Variants in NDFIP1 observed in about 807,000 individuals in gnomAD.
NDFIP1 encodes Nedd4 family interacting protein 1, also known as NEDD4 family-interacting protein 1.
In NDFIP1, 7 loss-of-function variants were observed where a neutral mutation model predicts 28.8. That is an observed-to-expected ratio of 0.24 (90% confidence interval 0.14 to 0.46). The LOEUF (loss-of-function observed/expected upper bound fraction) is 0.46. Ranked by LOEUF, NDFIP1 falls within the 20% of genes least tolerant of loss-of-function variation. The pLI, the probability that NDFIP1 is intolerant of heterozygous loss-of-function variation, is 0.99. For synonymous variants in NDFIP1, 92 were observed against 101.0 expected, an observed-to-expected ratio of 0.91 and a Z score of 0.53; for missense variants, 194 against 269.1, an observed-to-expected ratio of 0.72 and a Z score of 1.95.
chr5:142,110,540 G>C (rs1757003196), intron 1 of NDFIP1, among the ~76,000 whole-genome samples: 1 of 151,978 alleles, frequency 6.6e-6, no homozygotes, highest in African/African-American at 2.4e-5. Flanking sequence ...AAATTTGCTG[G>C]AGTATCAAAA....
chr5:142,137,643 G>C, intron 4 of NDFIP1, 91 bp from the exon 5 acceptor site: 1 of 1,455,746 alleles, frequency 6.9e-7, no homozygotes, highest in Admixed American at 1.9e-5. Flanking sequence ...TTATCCTTTG[G>C]AAAGTCATTT....
intron 5 of NDFIP1, among the ~76,000 whole-genome samples, chr5:142,139,624 G>A (rs922223115): frequency 6.6e-6 from 1 of 152,152 alleles, no homozygotes; most frequent in African/African-American, 2.4e-5. Flanking sequence ...AATTTCCACT[G>A]GTCAGAATGG....
At chr5:142,125,896 G>T (rs1757165246) in intron 1 of NDFIP1, among the ~76,000 whole-genome samples, 1 of 152,092 alleles carries the variant, frequency 6.6e-6, no homozygotes, top group East Asian at 1.9e-4. Flanking sequence ...CTGGCCTTTT[G>T]TATATCTTCT....
intron 3 of NDFIP1, among the ~76,000 whole-genome samples, chr5:142,133,213 T>C (rs1318790746): frequency 6.6e-6 from 1 of 152,194 alleles, no homozygotes; most frequent in Admixed American, 6.5e-5. Context: ...GTAGAAATAG[T>C]TTATGAGCCC....
intron 1 of NDFIP1, among the ~76,000 whole-genome samples, chr5:142,119,623 A>G (rs1046885365): frequency 6.6e-5 from 10 of 151,730 alleles, no homozygotes; most frequent in African/African-American, 2.2e-4. Context: ...TTTTCTTTTT[A>G]AACAACACGT....
intron 7 of NDFIP1, among the ~76,000 whole-genome samples, chr5:142,145,900 C>G (rs777080306): frequency 1.3e-5 from 2 of 152,128 alleles, no homozygotes; most frequent in Admixed American, 6.5e-5. Flanking sequence ...ATATACTAAT[C>G]GTGAGGTTCT....
intron 5 of NDFIP1, among the ~76,000 whole-genome samples, chr5:142,138,771 T>G (rs1216097385): frequency 6.6e-6 from 1 of 152,182 alleles, no homozygotes; most frequent in Non-Finnish European, 1.5e-5. Flanking sequence ...TTCCCTAAAT[T>G]TTAATTGTTA....
intron 7 of NDFIP1, among the ~76,000 whole-genome samples, chr5:142,150,023 T>C (rs971146435): frequency 2.0e-5 from 3 of 151,822 alleles, no homozygotes; most frequent in Non-Finnish European, 4.4e-5. Context: ...CTACTAAAAA[T>C]ACAAAAAATC....
intron 7 of NDFIP1, among the ~76,000 whole-genome samples, chr5:142,145,232 C>G (rs886948349): frequency 6.6e-6 from 1 of 152,188 alleles, no homozygotes. Flanking sequence ...TGAGGAAGGT[C>G]AAACTCAAGA....
intron 1 of NDFIP1, among the ~76,000 whole-genome samples, chr5:142,114,828 T>C (rs1276728651): frequency 1.3e-5 from 2 of 152,234 alleles, no homozygotes; most frequent in Non-Finnish European, 2.9e-5. Context: ...TTTGTTTTTG[T>C]AGCAGTGATA....
In NDFIP1 at chr5:142,138,005, A is replaced by G; in HGVS notation, c.495+147A>G. ...TGTCTGTGGTTTCATGATGAAGCTG[A>G]ACCAAAATCATTTGCAAATGGTTCA... On this transcript the variant is annotated intron_variant, in intron 5 of 7. Transcript: ENST00000253814. 3 of 976,668 alleles carry G rather than the reference A, an allele frequency of 3.1e-6. No homozygotes were observed. In the Admixed American group the frequency reaches 9.1e-5, roughly 30 times the overall value. The allele number at this position is 976,668 out of a possible 1,614,324, so 60.5% of individuals were successfully genotyped here. A position where few individuals can be genotyped will look rare whatever the true frequency, so the allele number is the denominator to read the frequency against.
At chr5:142,117,401 G>A (rs1010991378) in intron 1 of NDFIP1, among the ~76,000 whole-genome samples, 1 of 151,614 alleles carries the variant, frequency 6.6e-6, no homozygotes, top group African/African-American at 2.4e-5. Flanking sequence ...CCGCTATCAC[G>A]CCCAGCTAAT....
At chr5:142,111,647 A>G (rs938599691) in intron 1 of NDFIP1, among the ~76,000 whole-genome samples, 2 of 152,218 alleles carry the variant, frequency 1.3e-5, no homozygotes, top group Admixed American at 6.5e-5. Flanking sequence ...TTTCTCACCA[A>G]GTAAATGTAA....
At chr5:142,134,631 T>C (rs1297106481) in intron 3 of NDFIP1, among the ~76,000 whole-genome samples, 3 of 152,214 alleles carry the variant, frequency 2.0e-5, no homozygotes, top group Non-Finnish European at 4.4e-5. Context: ...AAAATATTTT[T>C]CATTTAAGGA....
chr5:142,149,922 C>T (rs1161783279), intron 7 of NDFIP1, among the ~76,000 whole-genome samples: 2 of 152,178 alleles, frequency 1.3e-5, no homozygotes, highest in East Asian at 1.9e-4. Flanking sequence ...TGGCTCACGC[C>T]TGTAATCCCA....
At position 142,109,000 on chromosome 5, in the gene NDFIP1, C is replaced by T. The variant is rs779545409; in HGVS notation, c.26C>T (p.Ala9Val). Residue 9 changes from alanine to valine, a missense_variant, in exon 1 of 8, where the codon GCG (alanine) becomes GTG (valine). Transcript: ENST00000253814. The part of the protein sequence containing the change: MALALAAL[A>V]AVEPACGSRY... ...ATGGCGTTGGCGTTGGCGGCGCTGG[C>T]GGCGGTCGAGCCGGCCTGCGGCAGC... The T allele has an allele frequency of 6.9e-7, 1 of 1,443,018 alleles. No individual in the cohort carries two copies. Among genetic ancestry groups the T allele is most frequent in the Non-Finnish European group, 9.1e-7 (1 of 1,100,940 alleles). The allele number at this position is 1,443,018 out of a possible 1,614,324, so 89.4% of individuals were successfully genotyped here.
intron 1 of NDFIP1, among the ~76,000 whole-genome samples, chr5:142,111,069 T>C (rs1219033746): frequency 6.6e-6 from 1 of 152,068 alleles, no homozygotes; most frequent in African/African-American, 2.4e-5. Flanking sequence ...ATATGTATTC[T>C]CTTATGTACC....
intron 1 of NDFIP1, among the ~76,000 whole-genome samples, chr5:142,112,644 A>G (rs1265248506): frequency 4.0e-5 from 6 of 150,468 alleles, no homozygotes; most frequent in African/African-American, 1.2e-4. Context: ...ACAAAAAATT[A>G]GTTGGGCGTG....
chr5:142,127,520 G>A (rs1757182863), intron 1 of NDFIP1, among the ~76,000 whole-genome samples: 1 of 152,134 alleles, frequency 6.6e-6, no homozygotes, highest in Admixed American at 6.5e-5. Flanking sequence ...GAAAGTGAAA[G>A]GTCATCTGAA....
Sources: gnomAD v4.1 joint callset for allele counts (sites outside exome capture counted in the v4.1 genomes callset) on GRCh38, gnomAD v4.1.1 for gene constraint, MANE v1.5 for transcripts, NCBI Gene and HGNC (gene_info 2026-07-23, HGNC 2026-07-21) for gene names.